C2CD3: variants seen among roughly 807,000 people sequenced by gnomAD.
C2CD3 encodes the protein C2 domain-containing protein 3.
Under a neutral mutation model 234.0 loss-of-function variants are expected in C2CD3, and 148 were observed. The ratio of observed to expected loss-of-function variants is 0.63; its 90% CI spans 0.55 to 0.72. The LOEUF is 0.72. Ranked by LOEUF, C2CD3 falls within the 30% of genes least tolerant of loss-of-function variation. The pLI is 0.00. For synonymous variants in C2CD3, 1,000 were observed against 1,035.4 expected (o/e 0.97, Z 0.66); for missense variants, 2,577 against 2,811.5 (o/e 0.92, Z 1.89).
In C2CD3 at chr11:74,117,483, T is replaced by A. The variant is rs552757046; in HGVS notation, c.1520+745A>T. 8.7e-4 allele frequency among the ~76,000 whole-genome samples: 129 copies of A among 148,694 alleles called. 1 individual carries two copies. The highest frequency in any genetic ancestry group is 3.1e-3 in the African/African-American group (125 of 40,252). The stretch of plus-strand genomic sequence containing the variant: ...AGACCATTTTTCTAAGTGAAGTAAC[T>A]CAGGAACAGAAAACCAAATATCATA... On this transcript the variant is annotated intron_variant, in intron 9 of 32. Coordinates refer to ENST00000334126, the MANE Select transcript of C2CD3 (RefSeq NM_001286577.2).
In C2CD3 at chr11:74,166,241, T is replaced by C. The variant is rs1308454273; in HGVS notation, c.325+2103A>G. Among the ~76,000 whole-genome samples, 3 of 146,150 alleles carry C rather than the reference T, an allele frequency of 2.1e-5. No individual in the cohort carries two copies. In the East Asian group the frequency reaches 6.1e-4, roughly 30 times the overall value. On this transcript the variant is annotated intron_variant, in intron 2 of 32. Coordinates refer to ENST00000334126, the MANE Select transcript of C2CD3 (RefSeq NM_001286577.2). The stretch of plus-strand genomic sequence containing the variant: ...AGGAGAATGGCGTGAACCCAGGAAG[T>C]GGGAGGCGGAGCTTGCAGTGAGCCA...
At chr11:74,062,513 C>T (rs1290393098) in intron 24 of C2CD3, among the ~76,000 whole-genome samples, 1 of 152,138 alleles carries the variant, frequency 6.6e-6, no homozygotes, top group Non-Finnish European at 1.5e-5. Context: ...ACAACCTGCT[C>T]CTGAATGACT....
At chr11:74,030,147 G>C (rs1337288149) in intron 31 of C2CD3, among the ~76,000 whole-genome samples, 1 of 152,018 alleles carries the variant, frequency 6.6e-6, no homozygotes, top group South Asian at 2.1e-4. Context: ...ACCTTGCATT[G>C]TCTTCTAGTT....
At chr11:74,142,414 C>T (rs998345712) in intron 3 of C2CD3, 1 of 152,276 alleles carries the variant, frequency 6.6e-6, no homozygotes, top group African/African-American at 2.4e-5. Context: ...AAGTTTGTCA[C>T]TGATTTGTGT....
At chr11:74,029,750 A>C (rs1374599292) in intron 31 of C2CD3, among the ~76,000 whole-genome samples, 1 of 152,114 alleles carries the variant, frequency 6.6e-6, no homozygotes, top group Non-Finnish European at 1.5e-5. Flanking sequence ...TCTCCCACCA[A>C]CTTTTATTTT....
Position 74,014,676 on chromosome 11 carries a change from C to T in C2CD3, c.6922-1151G>A, listed in dbSNP as rs550397147. ...AACAGAACTCCGTTTTAGGCTTTCT[C>T]AGCTCAGAGTTAAGCCCTGGAGGCA... On this transcript the variant is annotated intron_variant, in intron 32 of 32. Transcript: ENST00000334126. 5.4e-4 allele frequency among the ~76,000 whole-genome samples: 83 copies of T among 152,356 alleles called. 1 individual carries two copies. Among genetic ancestry groups the T allele is most frequent in the African/African-American group, 2.0e-3 (82 of 41,588 alleles).
At chr11:74,101,500 A>G (rs1275408474) in intron 14 of C2CD3, among the ~76,000 whole-genome samples, 1 of 152,230 alleles carries the variant, frequency 6.6e-6, no homozygotes, top group African/African-American at 2.4e-5. Flanking sequence ...CACAAGGTGG[A>G]TACAAACCTA....
At chr11:74,049,281 G>A (rs568553526) in intron 27 of C2CD3, 56 bp downstream of exon 27, 11 of 1,420,964 alleles carry the variant, frequency 7.7e-6, no homozygotes, top group Admixed American at 1.7e-5. Flanking sequence ...AGTAAAGGAT[G>A]TTCTTATAGG....
chr11:74,032,083 C>T (rs1332161146), intron 31 of C2CD3, among the ~76,000 whole-genome samples: 5 of 152,222 alleles, frequency 3.3e-5, no homozygotes, highest in African/African-American at 4.8e-5. Flanking sequence ...CCAATCCCTT[C>T]TCTGTGTAGT....
In C2CD3 at chr11:74,113,891, T is replaced by A. The variant is rs200249364; in HGVS notation, c.1732A>T (p.Thr578Ser). Reference protein sequence around the residue: ...PPKVTTAKKRTFFVEYHFPVG... With the variant: ...PPKVTTAKKRSFFVEYHFPVG... ...GGAAAGTGATATTCTACAAAGAAAG[T>A]GCTAAAAAGAAAAAAAAAGTGATTA... Residue 578 changes from threonine (T) to serine (S), a missense_variant and splice_region_variant, in exon 11 of 33, where the codon ACT (threonine) becomes TCT (serine). Coordinates refer to ENST00000334126, the MANE Select transcript of C2CD3 (RefSeq NM_001286577.2). 4.2e-4 allele frequency: 649 copies of A among 1,554,422 alleles called. No individual in the cohort carries two copies. Among genetic ancestry groups the A allele is most frequent in the Non-Finnish European group, 5.5e-4 (627 of 1,149,246 alleles).
intron 31 of C2CD3, among the ~76,000 whole-genome samples, chr11:74,032,963 A>G (rs892943949): frequency 3.3e-5 from 5 of 152,082 alleles, no homozygotes; most frequent in African/African-American, 9.7e-5. Flanking sequence ...TGACTGAATG[A>G]AAAATGTACA....
In C2CD3 at chr11:74,074,549, A is replaced by G. The variant is rs770968951; in HGVS notation, c.4655T>C (p.Leu1552Ser). Residue 1552 changes from leucine (L) to serine (S), a missense_variant, in exon 24 of 33, where the codon TTG becomes TCG. Transcript: ENST00000334126. ...AGAGGAAAGAACCACATGAACTCGC[A>G]AGGCAGCTCCTGAGAGGTTGGAAGC... Reference protein sequence around the residue: ...RNASNLSGAALRVHVVLSSLS... With the variant: ...RNASNLSGAASRVHVVLSSLS... 24 of 1,614,174 alleles carry G rather than the reference A, an allele frequency of 1.5e-5. No homozygotes were observed. In the South Asian group the frequency reaches 2.6e-4, roughly 18 times the overall value.
intron 3 of C2CD3, among the ~76,000 whole-genome samples, chr11:74,146,889 C>T (rs1235434602): frequency 1.3e-5 from 2 of 151,860 alleles, no homozygotes; most frequent in Non-Finnish European, 2.9e-5. Context: ...TCTGCCTCTG[C>T]TAAAAATACA....
intron 22 of C2CD3, among the ~76,000 whole-genome samples, chr11:74,081,148 A>C (rs1213887732): frequency 6.6e-6 from 1 of 152,196 alleles, no homozygotes; most frequent in Non-Finnish European, 1.5e-5. Flanking sequence ...ACTATGTGTC[A>C]GGTACTTTAT....
At chr11:74,084,729 A>C (rs1955562204) in intron 22 of C2CD3, 152 bp downstream of exon 22, 2 of 479,378 alleles carry the variant, frequency 4.2e-6, no homozygotes, top group Non-Finnish European at 7.6e-6. Context: ...AGTTTCAAAA[A>C]ACATTTGAGG....
chr11:74,059,496 C>A (rs17132641), intron 24 of C2CD3, among the ~76,000 whole-genome samples: 23 of 151,232 alleles, frequency 1.5e-4, no homozygotes, highest in African/African-American at 5.4e-4. Context: ...ATCTTTGAGG[C>A]TCCACCCTTT....
intron 32 of C2CD3, among the ~76,000 whole-genome samples, chr11:74,026,139 C>T (rs189198087): frequency 4.3e-4 from 65 of 152,118 alleles, no homozygotes; most frequent in African/African-American, 1.2e-3. Flanking sequence ...AGTGAGACCC[C>T]GTCTCTAAGA....
chr11:74,106,721 T>C (rs544772837), intron 12 of C2CD3, among the ~76,000 whole-genome samples: 219 of 152,320 alleles, frequency 1.4e-3, no homozygotes, highest in Middle Eastern at 0.014. Flanking sequence ...CACAAAGTGG[T>C]GGGAAGATTA....
intron 8 of C2CD3, among the ~76,000 whole-genome samples, chr11:74,122,342 G>A (rs888731254): frequency 2.0e-5 from 3 of 152,124 alleles, no homozygotes. Flanking sequence ...AGCCCTCACT[G>A]GCTTACTACT....
Sources: gnomAD v4.1 joint callset for allele counts (sites outside exome capture counted in the v4.1 genomes callset) on GRCh38, gnomAD v4.1.1 for gene constraint, MANE v1.5 for transcripts, NCBI Gene and HGNC (gene_info 2026-07-23, HGNC 2026-07-21) for gene names.